DOCK3: variants seen among roughly 807,000 people sequenced by gnomAD.
DOCK3 encodes the protein dedicator of cytokinesis protein 3.
In DOCK3, 60 loss-of-function variants were observed where a neutral mutation model predicts 265.6. The ratio of observed to expected loss-of-function variants is 0.23; its 90% CI spans 0.18 to 0.28. DOCK3 has a LOEUF of 0.28. DOCK3 is among the 10% of genes least tolerant of loss of function. The pLI, the probability that DOCK3 is intolerant of heterozygous loss-of-function variation, is 1.00. For synonymous variants in DOCK3, 881 were observed against 938.0 expected, an observed-to-expected ratio of 0.94 and a Z score of 1.11; for missense variants, 1,981 against 2,594.3, an observed-to-expected ratio of 0.76 and a Z score of 5.14.
intron 19 of DOCK3, among the ~76,000 whole-genome samples, chr3:51,233,362 T>C (rs544230304): frequency 0.01 from 79 of 7,842 alleles, no homozygotes; most frequent in South Asian, 0.036. Context: ...ATCTATCTAT[T>C]TATTTATTTA....
At chr3:51,088,060 A>G (rs1310719937) in intron 7 of DOCK3, among the ~76,000 whole-genome samples, 2 of 152,224 alleles carry the variant, frequency 1.3e-5, no homozygotes, top group Admixed American at 6.5e-5. Context: ...ATGGAATACT[A>G]TTCTGCCATA....
chr3:51,080,057 G>C (rs1015119493), intron 7 of DOCK3, among the ~76,000 whole-genome samples: 1 of 152,180 alleles, frequency 6.6e-6, no homozygotes, highest in African/African-American at 2.4e-5. Context: ...CTAAAAATCA[G>C]TAATTGTATA....
intron 2 of DOCK3, among the ~76,000 whole-genome samples, chr3:50,813,965 T>A (rs773333715): frequency 6.6e-6 from 1 of 152,192 alleles, no homozygotes; most frequent in African/African-American, 2.4e-5. Flanking sequence ...TAGTAAATAC[T>A]AAGTGCAATG....
intron 1 of DOCK3, among the ~76,000 whole-genome samples, chr3:50,758,177 C>CAACAAA (rs2040293703): frequency 4.2e-5 from 1 of 23,828 alleles, no homozygotes; most frequent in Non-Finnish European, 6.5e-5. Flanking sequence ...GACTCTGTCT[C>CAACAAA]AAAAAAAAAA....
At chr3:50,935,445 T>C (rs1311581030) in intron 5 of DOCK3, among the ~76,000 whole-genome samples, 1 of 152,156 alleles carries the variant, frequency 6.6e-6, no homozygotes, top group Non-Finnish European at 1.5e-5. Context: ...TTTCACCCCC[T>C]ACCCTATAGT....
At chr3:51,332,673 TAAAAA>T (rs901100617) in intron 33 of DOCK3, among the ~76,000 whole-genome samples, 3 of 152,124 alleles carry the variant, frequency 2.0e-5, no homozygotes, top group Non-Finnish European at 4.4e-5. Context: ...GACCCCATCT[TAAAAA>T]AGAAAGATTA....
chr3:51,166,741 G>T (rs994120421), intron 12 of DOCK3, among the ~76,000 whole-genome samples: 1 of 152,124 alleles, frequency 6.6e-6, no homozygotes, highest in Non-Finnish European at 1.5e-5. Context: ...TCATATACCT[G>T]TTGGCCATTT....
At chr3:50,747,782 T>C (rs1025914145) in intron 1 of DOCK3, among the ~76,000 whole-genome samples, 5 of 152,028 alleles carry the variant, frequency 3.3e-5, no homozygotes, top group African/African-American at 1.2e-4. Context: ...GAGAATCTCT[T>C]GAACCTGGGA....
At chr3:51,051,299 C>T (rs557831889) in intron 5 of DOCK3, among the ~76,000 whole-genome samples, 10 of 152,240 alleles carry the variant, frequency 6.6e-5, no homozygotes, top group African/African-American at 2.4e-4. Context: ...GAGAGGTGCA[C>T]GTAAGACTCA....
intron 12 of DOCK3, among the ~76,000 whole-genome samples, chr3:51,198,289 G>A (rs1030222961): frequency 2.0e-5 from 3 of 152,216 alleles, no homozygotes; most frequent in Non-Finnish European, 1.5e-5. Flanking sequence ...GCTTAACCAC[G>A]GGTGCTTTTC....
At chr3:51,124,424 A>T (rs2084170802) in intron 9 of DOCK3, among the ~76,000 whole-genome samples, 1 of 152,184 alleles carries the variant, frequency 6.6e-6, no homozygotes, top group Non-Finnish European at 1.5e-5. Flanking sequence ...TAATTTTAAT[A>T]TAAATAGCAA....
rs1172510151 is a variant in DOCK3, at chr3:51,361,712, C to G, written c.5007-147C>G. The G allele has an allele frequency of 9.0e-7, 1 of 1,113,726 alleles. No homozygotes were observed. Among genetic ancestry groups the G allele is most frequent in the African/African-American group, 1.6e-5 (1 of 63,496 alleles). 69.0% of individuals were successfully genotyped at this position (1,113,726 alleles called of 1,614,324 possible). A position where few individuals can be genotyped will look rare whatever the true frequency, so the allele number is the denominator to read the frequency against. Reference sequence around the variant, plus strand: ...GGTACAGCTCAGGACTGCTCCAGGCCTCAGATGGGTATGAGCATTGACTAT... The same window carrying G: ...GGTACAGCTCAGGACTGCTCCAGGCGTCAGATGGGTATGAGCATTGACTAT... On this transcript the variant is annotated intron_variant, in intron 47 of 52. Coordinates refer to ENST00000266037, the MANE Select transcript of DOCK3 (RefSeq NM_004947.5). The surrounding 1 kb of genome is among the most constrained non-coding windows in gnomAD (Gnocchi z 4.2).
At chr3:51,288,184 G>T (rs1236916878) in intron 27 of DOCK3, among the ~76,000 whole-genome samples, 2 of 152,152 alleles carry the variant, frequency 1.3e-5, no homozygotes, top group Non-Finnish European at 2.9e-5. Context: ...TTGTGGTCAG[G>T]AGTTCGAGAC....
At chr3:50,834,363 A>G (rs929728112) in intron 2 of DOCK3, among the ~76,000 whole-genome samples, 4 of 152,164 alleles carry the variant, frequency 2.6e-5, no homozygotes, top group Non-Finnish European at 5.9e-5. Flanking sequence ...AATTTTAGTT[A>G]CTTCTGTGGC....
chr3:51,274,062 A>C (rs1186547446), intron 24 of DOCK3, among the ~76,000 whole-genome samples: 1 of 152,264 alleles, frequency 6.6e-6, no homozygotes, highest in African/African-American at 2.4e-5. Context: ...AGCTTGAAGT[A>C]GGACAGCCTT....
intron 5 of DOCK3, among the ~76,000 whole-genome samples, chr3:50,984,761 CT>C (rs1285634110): frequency 2.6e-5 from 4 of 152,078 alleles, no homozygotes; most frequent in Non-Finnish European, 4.4e-5. Flanking sequence ...GAGGATTCAG[CT>C]GACCACGGAT....
intron 1 of DOCK3, among the ~76,000 whole-genome samples, chr3:50,695,419 T>G (rs1305662613): frequency 6.6e-6 from 1 of 152,216 alleles, no homozygotes; most frequent in Admixed American, 6.5e-5. Context: ...CAAATCCCTG[T>G]GAATTTCCAA....
intron 22 of DOCK3, among the ~76,000 whole-genome samples, chr3:51,253,324 CT>C (rs1177939295): frequency 6.6e-6 from 1 of 151,852 alleles, no homozygotes; most frequent in Admixed American, 6.6e-5. Context: ...CTAAAATTCT[CT>C]TTTTTTTGTT....
chr3:50,939,045 C>T (rs2051550764), intron 5 of DOCK3, among the ~76,000 whole-genome samples: 1 of 151,562 alleles, frequency 6.6e-6, no homozygotes, highest in Non-Finnish European at 1.5e-5. Context: ...CCTACCAAAA[C>T]TGAAAAAGAA....
Sources: gnomAD v4.1 joint callset for allele counts (sites outside exome capture counted in the v4.1 genomes callset) on GRCh38, gnomAD v4.1.1 for gene constraint, Gnocchi (gnomAD v3.1) non-coding constraint, MANE v1.5 for transcripts, NCBI Gene and HGNC (gene_info 2026-07-23, HGNC 2026-07-21) for gene names.